The following EYS variants were observed in gnomAD, a reference collection of about 807,000 sequenced individuals.
EYS encodes the protein EGF-like photoreceptor maintenance factor.
In EYS, 250 loss-of-function variants were observed where a neutral mutation model predicts 282.1. The ratio of observed to expected loss-of-function variants is 0.89; its 90% CI spans 0.80 to 0.98. The LOEUF is 0.98. EYS is among the 50% of genes least tolerant of loss of function. The pLI is 0.00. For synonymous variants in EYS, 1,355 were observed against 1,282.9 expected, an observed-to-expected ratio of 1.06 and a Z score of -1.20; for missense variants, 4,016 against 3,709.0, an observed-to-expected ratio of 1.08 and a Z score of -2.15.
intron 12 of EYS, among the ~76,000 whole-genome samples, chr6:65,260,174 A>G (rs898821154): frequency 6.6e-6 from 1 of 152,066 alleles, no homozygotes; most frequent in Non-Finnish European, 1.5e-5. Flanking sequence ...AGAGCCCCTT[A>G]TAAAACCATC....
chr6:64,905,741 A>G (rs929173640), intron 16 of EYS, among the ~76,000 whole-genome samples: 5 of 152,130 alleles, frequency 3.3e-5, no homozygotes. Flanking sequence ...TAATGTATGG[A>G]ACAGAGTACA....
chr6:64,257,447 A>G (rs146970090), intron 30 of EYS, among the ~76,000 whole-genome samples: 60 of 152,136 alleles, frequency 3.9e-4, no homozygotes, highest in African/African-American at 1.4e-3. Context: ...TTTGGCCTCA[A>G]TATCCAAGCT....
intron 36 of EYS, among the ~76,000 whole-genome samples, chr6:63,863,724 G>A (rs1339870903): frequency 1.4e-5 from 2 of 139,324 alleles, no homozygotes; most frequent in African/African-American, 5.4e-5. Context: ...TGCCCAGGCT[G>A]GAGTGCAGTG....
At chr6:64,868,015 TA>T (rs1766477004) in intron 19 of EYS, among the ~76,000 whole-genome samples, 1 of 151,476 alleles carries the variant, frequency 6.6e-6, no homozygotes, top group African/African-American at 2.4e-5. Flanking sequence ...GAAGAAGCTC[TA>T]ATACCATGGA....
Position 65,645,656 on chromosome 6 carries a change from C to A in EYS, c.-447-5764G>T, listed in dbSNP as rs188505014. 2.3e-3 allele frequency among the ~76,000 whole-genome samples: 351 copies of A among 151,728 alleles called. 3 individuals are homozygous for A. Among genetic ancestry groups the A allele is most frequent in the African/African-American group, 7.9e-3 (329 of 41,392 alleles). ...AAGAACCATACAAACTCAAACAGAGCAGAAGAAAATAAATAATGAATATAA... is the reference window on the plus strand; with the variant it reads ...AAGAACCATACAAACTCAAACAGAGAAGAAGAAAATAAATAATGAATATAA... On this transcript the variant is annotated intron_variant, in intron 1 of 42. Coordinates refer to ENST00000503581, the MANE Select transcript of EYS (RefSeq NM_001142800.2).
chr6:65,703,939 A>G (rs1769774667), intron 1 of EYS, among the ~76,000 whole-genome samples: 2 of 152,148 alleles, frequency 1.3e-5, no homozygotes, highest in African/African-American at 4.8e-5. Context: ...TAATCTGTTA[A>G]ACACAGTATT....
intron 6 of EYS, 55 bp downstream of exon 6, chr6:65,405,119 G>T: frequency 8.2e-7 from 1 of 1,224,058 alleles, no homozygotes; most frequent in Non-Finnish European, 1.2e-6. Context: ...CAAATTGCTT[G>T]GTAATAGTAA....
intron 34 of EYS, among the ~76,000 whole-genome samples, chr6:63,989,005 G>T (rs1767493053): frequency 6.6e-6 from 1 of 151,528 alleles, no homozygotes; most frequent in African/African-American, 2.4e-5. Context: ...AAATTTAGAT[G>T]TTGGAGTACT....
chr6:64,332,401 G>GGT, intron 29 of EYS, among the ~76,000 whole-genome samples: 1 of 152,324 alleles, frequency 6.6e-6, no homozygotes, highest in East Asian at 1.9e-4. Flanking sequence ...TAGTCTCACA[G>GGT]ATGCAGTATA....
intron 5 of EYS, among the ~76,000 whole-genome samples, chr6:65,453,689 A>G (rs147361758): frequency 1.4e-4 from 21 of 151,758 alleles, no homozygotes; most frequent in African/African-American, 5.1e-4. Flanking sequence ...CCTCCCCCCT[A>G]CAGTCTCTGG....
At chr6:65,046,107 G>T in intron 13 of EYS, among the ~76,000 whole-genome samples, 1 of 151,782 alleles carries the variant, frequency 6.6e-6, no homozygotes, top group East Asian at 1.9e-4. Flanking sequence ...TTGACACAAA[G>T]AACCTATTAA....
chr6:64,758,126 C>T (rs1301260986), intron 22 of EYS, among the ~76,000 whole-genome samples: 2 of 152,018 alleles, frequency 1.3e-5, no homozygotes, highest in Non-Finnish European at 2.9e-5. Context: ...ATCTAGTACG[C>T]ACGAGTTATT....
intron 15 of EYS, among the ~76,000 whole-genome samples, chr6:64,944,919 C>T (rs1769226233): frequency 6.6e-6 from 1 of 152,004 alleles, no homozygotes; most frequent in South Asian, 2.1e-4. Context: ...ATAGTACCTT[C>T]CCTTGAACTT....
chr6:64,068,565 CG>C (rs1185812823), intron 32 of EYS, among the ~76,000 whole-genome samples: 4 of 151,734 alleles, frequency 2.6e-5, no homozygotes, highest in African/African-American at 4.8e-5. Context: ...ATGTAAATGA[CG>C]AGTTAATGGG....
intron 12 of EYS, among the ~76,000 whole-genome samples, chr6:65,229,464 T>TATA (rs764051324): frequency 1.7e-4 from 25 of 151,428 alleles, no homozygotes; most frequent in Admixed American, 4.6e-4. Flanking sequence ...ACCAAATTGG[T>TATA]GGAGAAAAGT....
intron 33 of EYS, among the ~76,000 whole-genome samples, chr6:64,001,303 C>A (rs1768083732): frequency 6.6e-6 from 1 of 152,180 alleles, no homozygotes; most frequent in Admixed American, 6.5e-5. Context: ...GCTGACTAGA[C>A]AGGGATCTCT....
At chr6:65,153,061 A>G (rs143214674) in intron 12 of EYS, among the ~76,000 whole-genome samples, 4 of 151,842 alleles carry the variant, frequency 2.6e-5, no homozygotes, top group Non-Finnish European at 5.9e-5. Flanking sequence ...GAATATTGAC[A>G]GGACCTGTTA....
chr6:65,628,384 T>G (rs1766793738), intron 2 of EYS, among the ~76,000 whole-genome samples: 1 of 152,142 alleles, frequency 6.6e-6, no homozygotes, highest in African/African-American at 2.4e-5. Flanking sequence ...GCCACTCGGC[T>G]CCACCAATCA....
chr6:65,598,599 A>G (rs545273279), intron 2 of EYS, among the ~76,000 whole-genome samples: 1 of 152,188 alleles, frequency 6.6e-6, no homozygotes, highest in South Asian at 2.1e-4. Context: ...AACATACTTT[A>G]TTTCAGAGAA....
Sources: allele counts gnomAD v4.1 joint callset (sites outside exome capture counted in the v4.1 genomes callset), GRCh38; gene constraint gnomAD v4.1.1; transcripts MANE v1.5; gene names NCBI Gene and HGNC (gene_info 2026-07-23, HGNC 2026-07-21).